Variants in VAV2 observed in about 807,000 individuals in gnomAD.
VAV2 encodes the protein guanine nucleotide exchange factor VAV2.
In VAV2, 67 loss-of-function variants were observed where a neutral mutation model predicts 132.5. The ratio of observed to expected loss-of-function variants is 0.51; its 90% confidence interval spans 0.42 to 0.62. The LOEUF is 0.62. Among genes scored for constraint, VAV2 ranks in the 20% least tolerant of loss-of-function variants. The probability of loss-of-function intolerance (pLI) is 0.00; values close to 1 mark genes in which losing one functional copy is unlikely to be tolerated. For synonymous variants in VAV2, 492 were observed against 443.5 expected (o/e 1.11, Z -1.37); for missense variants, 938 against 1,153.6 (o/e 0.81, Z 2.71).
chr9:133,780,448 C>T (rs1053370401), intron 20 of VAV2, among the ~76,000 whole-genome samples: 3 of 152,128 alleles, frequency 2.0e-5, no homozygotes, highest in African/African-American at 4.8e-5. Context: ...CCCATAGCCG[C>T]GAGCAGCCAC....
In VAV2 at chr9:133,961,899, C is replaced by T. The variant is rs768557312; in HGVS notation, c.205-22680G>A. Among the ~76,000 whole-genome samples the T allele has an allele frequency of 8.5e-5, 13 of 152,108 alleles. No individual in the cohort carries two copies. The highest frequency in any genetic ancestry group is 2.7e-4 in the African/African-American group (11 of 41,428). On this transcript the variant is annotated intron_variant, in intron 1 of 29. Coordinates refer to ENST00000371850, the MANE Select transcript of VAV2 (RefSeq NM_001134398.2). The surrounding 1 kb of genome is among the most constrained non-coding windows in gnomAD (Gnocchi z 4.1). ...GTGAGCCTCATCCACCCAGAGGGTG[C>T]CCCCACCCTGACTCCTCACCCCACG...
At chr9:133,771,064 T>G (rs997512183) in intron 26 of VAV2, among the ~76,000 whole-genome samples, 7 of 140,956 alleles carry the variant, frequency 5.0e-5, no homozygotes, top group Non-Finnish European at 7.6e-5. Flanking sequence ...TGGATTTTCT[T>G]TTTTTTTTTT....
intron 2 of VAV2, among the ~76,000 whole-genome samples, chr9:133,866,280 T>A (rs1429673952): frequency 6.6e-6 from 1 of 152,210 alleles, no homozygotes; most frequent in Non-Finnish European, 1.5e-5. Flanking sequence ...TTAGTTTGCA[T>A]TATTTCATTT....
chr9:133,922,046 C>T (rs1179505983), intron 2 of VAV2, among the ~76,000 whole-genome samples: 4 of 152,248 alleles, frequency 2.6e-5, no homozygotes, highest in Non-Finnish European at 5.9e-5. Context: ...CATGCAGGCA[C>T]GGGATGGGCC....
At chr9:133,811,992 C>T in intron 5 of VAV2, 122 bp downstream of exon 5, 1 of 993,340 alleles carries the variant, frequency 1.0e-6, no homozygotes. Context: ...TCCCCCTGCA[C>T]CCAGAGCAGC....
chr9:133,951,548 A>G (rs1841560512), intron 1 of VAV2, among the ~76,000 whole-genome samples: 1 of 152,176 alleles, frequency 6.6e-6, no homozygotes, highest in South Asian at 2.1e-4. Context: ...CGTGAGGCCC[A>G]TATGTGGGAG....
intron 2 of VAV2, among the ~76,000 whole-genome samples, chr9:133,934,144 G>A (rs984717833): frequency 6.6e-6 from 1 of 152,160 alleles, no homozygotes; most frequent in African/African-American, 2.4e-5. Context: ...TAAATGGATG[G>A]ATGAGTGAAT....
intron 3 of VAV2, among the ~76,000 whole-genome samples, chr9:133,850,914 C>G (rs1269594257): frequency 6.6e-6 from 1 of 152,224 alleles, no homozygotes; most frequent in Non-Finnish European, 1.5e-5. Flanking sequence ...GACTGGCACA[C>G]CTAGGATGTC....
intron 2 of VAV2, among the ~76,000 whole-genome samples, chr9:133,899,394 C>G (rs1839350740): frequency 6.6e-6 from 1 of 151,146 alleles, no homozygotes; most frequent in Non-Finnish European, 1.5e-5. Context: ...CCAACTCTAC[C>G]AAAAATTTAA....
At chr9:133,985,237 T>A (rs946184602) in intron 1 of VAV2, among the ~76,000 whole-genome samples, 102 of 130,506 alleles carry the variant, frequency 7.8e-4, no homozygotes, top group African/African-American at 3.6e-3. Flanking sequence ...TGTGTGTGTG[T>A]GTGTGTGTGT....
intron 2 of VAV2, among the ~76,000 whole-genome samples, chr9:133,897,229 G>T (rs10993844): frequency 0.21 from 31,204 of 152,134 alleles, 3,634 homozygotes; most frequent in African/African-American, 0.3. Flanking sequence ...GAAGAAAGCC[G>T]CTCCTTTGAG....
At position 133,796,471 on chromosome 9, in the gene VAV2, C is replaced by G. The variant is rs1171378882; in HGVS notation, c.990G>C (p.Val330=). 6.2e-7 allele frequency: 1 copy of G among 1,613,866 alleles called. No individual in the cohort carries two copies. Among genetic ancestry groups the G allele is most frequent in the South Asian group, 1.1e-5 (1 of 90,996 alleles). The change falls in exon 11 of 30, where the codon GTG becomes GTC. Residue 330 remains valine (V), a synonymous_variant. Coordinates refer to ENST00000371850, the MANE Select transcript of VAV2 (RefSeq NM_001134398.2). ...ATTTGAGCACCCTCTGCATGGGGAC[C>G]ACCAGCAGGTCTTGCAGCTTAAATT... is the stretch of plus-strand genomic sequence containing the variant. The part of the protein sequence containing the change: ...DGKFKLQDLL[V]VPMQRVLKYH...
intron 2 of VAV2, among the ~76,000 whole-genome samples, chr9:133,907,780 G>A (rs1282687361): frequency 6.6e-6 from 1 of 152,240 alleles, no homozygotes; most frequent in Non-Finnish European, 1.5e-5. Context: ...GTAACAAAGA[G>A]AATGCCAGTC....
chr9:133,829,145 C>T (rs1161938656), intron 4 of VAV2, among the ~76,000 whole-genome samples: 1 of 152,210 alleles, frequency 6.6e-6, no homozygotes, highest in African/African-American at 2.4e-5. Flanking sequence ...AAGCGCAGTG[C>T]CTGCCAAGGA....
chr9:133,941,600 C>T (rs989845159), intron 1 of VAV2, among the ~76,000 whole-genome samples: 1 of 33,302 alleles, frequency 3.0e-5, no homozygotes, highest in African/African-American at 1.1e-4. Context: ...TGTGAGTCCA[C>T]TTTTTTTTGG....
chr9:133,968,077 A>T (rs981709787), intron 1 of VAV2, among the ~76,000 whole-genome samples: 1 of 152,072 alleles, frequency 6.6e-6, no homozygotes, highest in Non-Finnish European at 1.5e-5. Flanking sequence ...GTGAAGAGAG[A>T]TTGGTTAATG....
At chr9:133,910,019 C>G (rs2519793) in intron 2 of VAV2, among the ~76,000 whole-genome samples, 146,818 of 152,148 alleles carry the variant, frequency 0.96, 70,977 homozygotes, top group Non-Finnish European at 1. Flanking sequence ...CGAGCTATGC[C>G]AGGCCATGTG....
chr9:133,931,338 C>G (rs1407853584), intron 2 of VAV2, among the ~76,000 whole-genome samples: 2 of 152,164 alleles, frequency 1.3e-5, no homozygotes, highest in Admixed American at 6.5e-5. Flanking sequence ...CGAGGGGGAG[C>G]AAGGGGCAGG....
At chr9:133,811,568 A>G (rs1413439906) in intron 5 of VAV2, among the ~76,000 whole-genome samples, 1 of 152,218 alleles carries the variant, frequency 6.6e-6, no homozygotes, top group Non-Finnish European at 1.5e-5. Context: ...GCTGCTGGCA[A>G]TAAACCCACG....
Sources: gnomAD v4.1 joint callset for allele counts (sites outside exome capture counted in the v4.1 genomes callset) on GRCh38, gnomAD v4.1.1 for gene constraint, Gnocchi (gnomAD v3.1) non-coding constraint, MANE v1.5 for transcripts, NCBI Gene and HGNC (gene_info 2026-07-23, HGNC 2026-07-21) for gene names.